LRRTM4: variants seen among roughly 807,000 people sequenced by gnomAD.
The protein encoded by LRRTM4 is leucine rich repeat transmembrane neuronal 4, also known as leucine-rich repeat transmembrane neuronal protein 4.
Under a neutral mutation model 47.6 loss-of-function variants are expected in LRRTM4, and 25 were observed. That is an observed-to-expected ratio of 0.53 (90% CI 0.38 to 0.73). The LOEUF is 0.73. Among genes scored for constraint, LRRTM4 ranks in the 30% least tolerant of loss-of-function variants. The pLI is 0.00. For missense variants in LRRTM4, 638 were observed against 713.4 expected, an observed-to-expected ratio of 0.89 and a Z score of 1.20; for synonymous variants, 311 against 269.5, an observed-to-expected ratio of 1.15 and a Z score of -1.51.
At chr2:76,864,739 A>G (rs67475248) in intron 3 of LRRTM4, among the ~76,000 whole-genome samples, 59,738 of 150,198 alleles carry the variant, frequency 0.4, 12,921 homozygotes, top group East Asian at 0.61. Context: ...TTTCTTTTTT[A>G]AGACAAGGTC....
chr2:76,846,334 A>G (rs1217775120), intron 3 of LRRTM4, among the ~76,000 whole-genome samples: 1 of 152,270 alleles, frequency 6.6e-6, no homozygotes, highest in African/African-American at 2.4e-5. Context: ...ACTTTCTTCA[A>G]GTTGCCCTGG....
chr2:76,890,929 C>T (rs1049245060), intron 3 of LRRTM4, among the ~76,000 whole-genome samples: 2 of 151,742 alleles, frequency 1.3e-5, no homozygotes, highest in Non-Finnish European at 2.9e-5. Context: ...AGGAAAATCA[C>T]ACCCAGAAAG....
chr2:77,371,891 C>G (rs1672668996), intron 3 of LRRTM4, among the ~76,000 whole-genome samples: 1 of 151,678 alleles, frequency 6.6e-6, no homozygotes, highest in South Asian at 2.1e-4. Flanking sequence ...GGCTAACAAG[C>G]TAGTGTGCTA....
rs528340824 is a variant in LRRTM4, at chr2:77,040,920, C to A, written c.1552-292004G>T. Among the ~76,000 whole-genome samples, 6 of 151,564 alleles carry A rather than the reference C, an allele frequency of 4.0e-5. No individual in the cohort carries two copies. In the East Asian group the frequency reaches 1.2e-3, roughly 29 times the overall value. On this transcript the variant is annotated intron_variant, in intron 3 of 3. Coordinates refer to ENST00000409884, the MANE Select transcript of LRRTM4 (RefSeq NM_001134745.3). ...TATACCTATCACCTCAAACATTTGT[C>A]ATTTCTTTATGAGGACATTCAAAAT...
intron 3 of LRRTM4, among the ~76,000 whole-genome samples, chr2:76,789,680 G>A (rs1393750322): frequency 2.0e-5 from 3 of 151,908 alleles, no homozygotes; most frequent in Non-Finnish European, 4.4e-5. Context: ...TCACAATCAT[G>A]GAAAGACTCT....
intron 3 of LRRTM4, among the ~76,000 whole-genome samples, chr2:77,378,807 G>A (rs999051797): frequency 6.6e-6 from 1 of 152,084 alleles, no homozygotes; most frequent in Non-Finnish European, 1.5e-5. Flanking sequence ...GGACCCTCCT[G>A]TCTGGTTATG....
intron 3 of LRRTM4, among the ~76,000 whole-genome samples, chr2:77,395,413 T>G (rs1005645799): frequency 1.3e-5 from 2 of 151,964 alleles, no homozygotes; most frequent in African/African-American, 2.4e-5. Context: ...TTAAGATATC[T>G]ACTTTCTGAA....
At chr2:76,818,876 G>A (rs923102742) in intron 3 of LRRTM4, among the ~76,000 whole-genome samples, 2 of 151,666 alleles carry the variant, frequency 1.3e-5, no homozygotes, top group Admixed American at 6.6e-5. Flanking sequence ...AAAAGTTGAG[G>A]TATATTAAAT....
At chr2:76,789,451 T>A (rs1358759098) in intron 3 of LRRTM4, among the ~76,000 whole-genome samples, 1 of 152,220 alleles carries the variant, frequency 6.6e-6, no homozygotes, top group African/African-American at 2.4e-5. Flanking sequence ...ATGCGTTGTA[T>A]GACAGGACTT....
intron 3 of LRRTM4, among the ~76,000 whole-genome samples, chr2:76,957,773 C>T (rs1041608497): frequency 6.6e-6 from 1 of 151,564 alleles, no homozygotes; most frequent in Middle Eastern, 3.2e-3. Flanking sequence ...GAAGAATAAT[C>T]AAAGTTTCTC....
At chr2:77,440,789 T>TA (rs1441712652) in intron 3 of LRRTM4, among the ~76,000 whole-genome samples, 1 of 152,200 alleles carries the variant, frequency 6.6e-6, no homozygotes, top group African/African-American at 2.4e-5. Context: ...AACTGTGCCC[T>TA]AAAAAATTTC....
intron 3 of LRRTM4, among the ~76,000 whole-genome samples, chr2:77,141,585 C>T (rs967899861): frequency 3.3e-5 from 5 of 152,068 alleles, no homozygotes; most frequent in Non-Finnish European, 5.9e-5. Context: ...CAAACCTGCA[C>T]GTTGTGCACA....
chr2:77,345,953 A>T (rs569556681), intron 3 of LRRTM4, among the ~76,000 whole-genome samples: 2 of 152,062 alleles, frequency 1.3e-5, no homozygotes, highest in South Asian at 4.1e-4. Flanking sequence ...CATTGAAAAC[A>T]GTCCAAATAC....
rs570923961 is a variant in LRRTM4 at position 77,172,421 on chromosome 2, C to T, written c.1551+345897G>A. ...ACTAGCCTGGCCAATATGGTGAAACCCCGTCTCTAGTAAAAATACAAAACT... is the reference window on the plus strand; with the variant it reads ...ACTAGCCTGGCCAATATGGTGAAACTCCGTCTCTAGTAAAAATACAAAACT... On this transcript the variant is annotated intron_variant, in intron 3 of 3. Transcript: ENST00000409884. Among the ~76,000 whole-genome samples the T allele has an allele frequency of 3.3e-5, 5 of 152,018 alleles. No homozygotes were observed. In the South Asian group the frequency reaches 8.3e-4, roughly 25 times the overall value.
intron 3 of LRRTM4, among the ~76,000 whole-genome samples, chr2:76,988,541 A>G (rs1019875795): frequency 4.0e-5 from 6 of 151,780 alleles, no homozygotes; most frequent in Admixed American, 1.3e-4. Flanking sequence ...AATTACTGAA[A>G]TCGTGTATTT....
intron 3 of LRRTM4, among the ~76,000 whole-genome samples, chr2:76,846,158 C>T (rs1671831282): frequency 1.3e-5 from 2 of 151,946 alleles, no homozygotes; most frequent in South Asian, 4.2e-4. Context: ...CTATGGGATC[C>T]CGAATACCAA....
chr2:77,444,964 C>CAA (rs1675992851), intron 3 of LRRTM4, among the ~76,000 whole-genome samples: 1 of 138,026 alleles, frequency 7.2e-6, no homozygotes, highest in African/African-American at 2.8e-5. Context: ...CACACACACA[C>CAA]ACACACGATC....
At chr2:77,186,668 C>T (rs931063914) in intron 3 of LRRTM4, among the ~76,000 whole-genome samples, 3 of 151,994 alleles carry the variant, frequency 2.0e-5, no homozygotes, top group African/African-American at 7.2e-5. Flanking sequence ...AGGATGAAAA[C>T]GTATTGGCAT....
intron 3 of LRRTM4, among the ~76,000 whole-genome samples, chr2:77,243,602 T>C (rs1422895005): frequency 6.6e-6 from 1 of 151,906 alleles, no homozygotes; most frequent in Non-Finnish European, 1.5e-5. Context: ...AAGAGAGTTC[T>C]AGAGATAGTT....
Sources: allele counts gnomAD v4.1 joint callset (sites outside exome capture counted in the v4.1 genomes callset), GRCh38; gene constraint gnomAD v4.1.1; transcripts MANE v1.5; gene names NCBI Gene and HGNC (gene_info 2026-07-23, HGNC 2026-07-21).